The following TMEM200C variants were observed in gnomAD, a reference collection of about 807,000 sequenced individuals.
TMEM200C encodes transmembrane protein TTMA.
For synonymous variants in TMEM200C, 462 were observed against 324.7 expected (o/e 1.42, Z -4.55); for missense variants, 966 against 699.9 (o/e 1.38, Z -4.29).
At position 5,890,634 on chromosome 18, in the gene TMEM200C, TCCGGGAGC is replaced by T; in HGVS notation, c.1422_1429del (p.Asp477GlyfsTer50). On this transcript the variant is annotated frameshift_variant, in exon 3 of 3. Transcript: ENST00000581347. LOFTEE classifies it low-confidence loss of function (END_TRUNC). ...CTCGGGGGACGGCGGCGCCCGGTAG[TCCGGGAGC>T]CCGCTGGTGCTGCGGCGCCGCAAGG... 1 of 833,046 alleles carries T rather than the reference TCCGGGAGC, an allele frequency of 1.2e-6. No individual in the cohort carries two copies. Among genetic ancestry groups the T allele is most frequent in the Non-Finnish European group, 1.6e-6 (1 of 616,034 alleles). 51.6% of individuals were successfully genotyped at this position (833,046 alleles called of 1,614,324 possible). A position where few individuals can be genotyped will look rare whatever the true frequency, so the allele number is the denominator to read the frequency against.
rs189646550 is a variant in TMEM200C, at chr18:5,893,352, C to T, written c.-94-1195G>A. Among the ~76,000 whole-genome samples, 198 of 152,178 alleles carry T rather than the reference C, an allele frequency of 1.3e-3. 1 individual carries two copies. Among genetic ancestry groups the T allele is most frequent in the Non-Finnish European group, 2.1e-3 (144 of 68,010 alleles). On this transcript the variant is annotated intron_variant, in intron 2 of 2. Coordinates refer to ENST00000581347, the Ensembl canonical transcript of TMEM200C. ...GGTCATTTTTAGGAAGGGAGGGTGG[C>T]AACAATCAATGGACTACTCTTAGGA...
At position 5,891,226 on chromosome 18, in the gene TMEM200C, C is replaced by A; in HGVS notation, c.838G>T (p.Ala280Ser). Residue 280 changes from alanine to serine, a missense_variant, in exon 3 of 3, where the codon GCC (alanine) becomes TCC (serine). Physicochemically the swap from Ala to Ser is moderately conservative, Grantham distance 99. Coordinates refer to ENST00000581347, the Ensembl canonical transcript of TMEM200C. This position sits in a 1 kb window ranked among gnomAD's most constrained non-coding sequence, Gnocchi z 4.7. Reference sequence around the variant, plus strand: ...GGGTGAGGAGGCCACGAGCCCTTGGCCAGCATCGCCGCCGCTCCGAAGGCG... The same window carrying A: ...GGGTGAGGAGGCCACGAGCCCTTGGACAGCATCGCCGCCGCTCCGAAGGCG... 1.5e-6 allele frequency: 2 copies of A among 1,291,294 alleles called. No individual in the cohort carries two copies. The highest frequency in any genetic ancestry group is 2.0e-6 in the Non-Finnish European group (2 of 998,400). 80.0% of individuals were successfully genotyped at this position (1,291,294 alleles called of 1,614,324 possible).
In TMEM200C at chr18:5,891,405, G is replaced by T; in HGVS notation, c.659C>A (p.Ala220Asp). The T allele has an allele frequency of 7.2e-7, 1 of 1,384,830 alleles. No individual in the cohort carries two copies. The allele number at this position is 1,384,830 out of a possible 1,614,324, so 85.8% of individuals were successfully genotyped here. The stretch of plus-strand genomic sequence containing the variant: ...GGCGGCCGCGGCGGCGGCCGCGGCG[G>T]CCGCCAGGTCTTTGGCGCGGAGGCT... Residue 220 changes from alanine (A) to aspartate (D), a missense_variant, in exon 3 of 3, where the codon GCC becomes GAC. By Grantham distance (126) the Ala-to-Asp change is moderately radical. Coordinates refer to ENST00000581347, the Ensembl canonical transcript of TMEM200C. The surrounding 1 kb of genome is among the most constrained non-coding windows in gnomAD (Gnocchi z 4.7).
At chr18:5,882,201 C>T (rs968131481) in exon 3 of TMEM200C, 1 of 152,092 alleles carries the variant, frequency 6.6e-6, no homozygotes, top group African/African-American at 2.4e-5. Context: ...TTACTCATGG[C>T]CCTAATCATG....
At chr18:5,895,559 G>T (rs1427147385) in intron 1 of TMEM200C, 37 bp from the exon 1 acceptor site, 1 of 145,950 alleles carries the variant, frequency 6.9e-6, no homozygotes, top group African/African-American at 2.5e-5. Context: ...GGAGTCGGGG[G>T]GCGCCCCCGC....
At chr18:5,892,151 C>T (rs991060683) in exon 3 of TMEM200C, 1 of 1,260,660 alleles carries the variant, frequency 7.9e-7, no homozygotes, top group Admixed American at 2.3e-5. Flanking sequence ...TCAGCCACCT[C>T]CTCCTGCTGC....
At chr18:5,896,107 C>G (rs896223723), upstream of TMEM200C, among the ~76,000 whole-genome samples, 1 of 152,108 alleles carries the variant, frequency 6.6e-6, no homozygotes, top group African/African-American at 2.4e-5. Flanking sequence ...CCCCAGCGAA[C>G]TCGGGCCCGG....
chr18:5,891,244 CG>C lies in TMEM200C; in HGVS notation c.819del (p.Phe273LeufsTer104). ...CCCTTGGCCAGCATCGCCGCCGCTC[CG>C]AAGGCGTCCCCGGAGCCACCGCAGC... is the stretch of plus-strand genomic sequence containing the variant. On this transcript the variant is annotated frameshift_variant, in exon 3 of 3. Transcript: ENST00000581347. LOFTEE classifies it low-confidence loss of function (END_TRUNC). The surrounding 1 kb of genome is among the most constrained non-coding windows in gnomAD (Gnocchi z 4.7). 1 of 1,369,860 alleles carries C rather than the reference CG, an allele frequency of 7.3e-7. No homozygotes were observed. Among genetic ancestry groups the C allele is most frequent in the South Asian group, 1.6e-5 (1 of 62,334 alleles). The allele number at this position is 1,369,860 out of a possible 1,614,324, so 84.9% of individuals were successfully genotyped here. A position where few individuals can be genotyped will look rare whatever the true frequency, so the allele number is the denominator to read the frequency against.
exon 3 of TMEM200C, chr18:5,890,603 C>A: frequency 2.7e-6 from 3 of 1,122,660 alleles, no homozygotes; most frequent in Non-Finnish European, 3.4e-6. Context: ...CCGGGGAGGG[C>A]GGGGGCTCGG....
chr18:5,895,686 G>A (rs1472499399), intron 1 of TMEM200C, among the ~76,000 whole-genome samples, 164 bp from the exon 1 acceptor site: 1 of 150,338 alleles, frequency 6.7e-6, no homozygotes, highest in Non-Finnish European at 1.5e-5. Flanking sequence ...CGATTCCTCG[G>A]GGAGGAGGAG....
chr18:5,892,739 A>G (rs1416770859), intron 2 of TMEM200C, among the ~76,000 whole-genome samples: 1 of 152,258 alleles, frequency 6.6e-6, no homozygotes, highest in Non-Finnish European at 1.5e-5. Context: ...CAAAGGTCAT[A>G]TAATGGCAGG....
intron 2 of TMEM200C, among the ~76,000 whole-genome samples, chr18:5,893,282 CTGTTT>C (rs145575479): frequency 0.036 from 5,536 of 152,096 alleles, 301 homozygotes; most frequent in African/African-American, 0.12. Flanking sequence ...CAAGCCAAAA[CTGTTT>C]TGTTTTGTTT....
chr18:5,890,856 C>A, exon 3 of TMEM200C: 1 of 680,186 alleles, frequency 1.5e-6, no homozygotes, highest in Non-Finnish European at 2.7e-6. Flanking sequence ...CCCCGGAGGC[C>A]TCTGCCAGCT....
chr18:5,893,255 T>C (rs1179625718), intron 2 of TMEM200C, among the ~76,000 whole-genome samples: 1 of 152,154 alleles, frequency 6.6e-6, no homozygotes, highest in East Asian at 1.9e-4. Flanking sequence ...TGATGATTTG[T>C]AGAATGACAT....
chr18:5,890,442 C>G (rs761961772), exon 3 of TMEM200C: 2 of 1,577,538 alleles, frequency 1.3e-6, no homozygotes, highest in Non-Finnish European at 1.7e-6. Flanking sequence ...GCCGGCCTCC[C>G]GCAGGGGTGT....
chr18:5,891,610 A>G lies in TMEM200C; in HGVS notation c.454T>C (p.Phe152Leu), dbSNP rs535243646. 1 of 1,613,866 alleles carries G rather than the reference A, an allele frequency of 6.2e-7. No homozygotes were observed. The highest frequency in any genetic ancestry group is 1.3e-5 in the African/African-American group (1 of 75,040). Residue 152 changes from phenylalanine to leucine, a missense_variant, in exon 3 of 3, where the codon TTC (phenylalanine) becomes CTC (leucine). By Grantham distance (22) the Phe-to-Leu change is conservative. Coordinates refer to ENST00000581347, the Ensembl canonical transcript of TMEM200C. The surrounding 1 kb of genome is among the most constrained non-coding windows in gnomAD (Gnocchi z 4.7). ...AGGTAGCCAGAGAAGATGCGGAAGA[A>G]GAAGCCCACGGACGTGGAGGAGGAG... is the stretch of plus-strand genomic sequence containing the variant.
At chr18:5,882,367 G>A (rs1291757273) in exon 3 of TMEM200C, 1 of 151,984 alleles carries the variant, frequency 6.6e-6, no homozygotes, top group Non-Finnish European at 1.5e-5. Context: ...AATGAAAGCT[G>A]GCATTTTTTT....
exon 3 of TMEM200C, chr18:5,884,789 C>T (rs535001120): frequency 6.6e-6 from 1 of 152,142 alleles, no homozygotes; most frequent in South Asian, 2.1e-4. Flanking sequence ...TTCGACTGAC[C>T]TAGTTATATC....
chr18:5,891,950 G>C lies in TMEM200C; in HGVS notation c.114C>G (p.Asp38Glu). The change falls in exon 3 of 3, where the codon GAC becomes GAG. Residue 38 changes from aspartate (D) to glutamate (E), a missense_variant. Transcript: ENST00000581347. This position sits in a 1 kb window ranked among gnomAD's most constrained non-coding sequence, Gnocchi z 4.7. Reference sequence around the variant, plus strand: ...TCAGCTTGCCTTTCACCACCACCACGTCGTTCTTGCGCCTCTTCTTGGCTT... The same window carrying C: ...TCAGCTTGCCTTTCACCACCACCACCTCGTTCTTGCGCCTCTTCTTGGCTT... The C allele has an allele frequency of 6.2e-7, 1 of 1,613,964 alleles. No individual in the cohort carries two copies. The highest frequency in any genetic ancestry group is 1.1e-5 in the South Asian group (1 of 91,082).
Sources: allele counts gnomAD v4.1 joint callset (sites outside exome capture counted in the v4.1 genomes callset), GRCh38; gene constraint gnomAD v4.1.1; non-coding constraint Gnocchi (gnomAD v3.1); transcripts MANE v1.5; gene names NCBI Gene and HGNC (gene_info 2026-07-23, HGNC 2026-07-21).